The following STMN2 variants were observed in gnomAD, a reference collection of about 807,000 sequenced individuals.
STMN2 encodes stathmin-2.
A neutral mutation model predicts 24.1 loss-of-function variants in STMN2; 2 were observed. The observed-to-expected ratio is 0.08, with a 90% CI of 0.03 to 0.26. The LOEUF is 0.26. STMN2 is among the 10% of genes least tolerant of loss of function. The pLI is 1.00. For synonymous variants in STMN2, 83 were observed against 77.5 expected, an observed-to-expected ratio of 1.07 and a Z score of -0.37; for missense variants, 114 against 213.6, an observed-to-expected ratio of 0.53 and a Z score of 2.91.
chr8:79,651,724 A>G (rs922283638), intron 3 of STMN2, among the ~76,000 whole-genome samples: 13 of 152,242 alleles, frequency 8.5e-5, no homozygotes, highest in African/African-American at 2.9e-4. Flanking sequence ...TGGCCTCTTG[A>G]TAATAATTCA....
chr8:79,660,664 T>C (rs1806482510), intron 4 of STMN2, among the ~76,000 whole-genome samples: 1 of 152,114 alleles, frequency 6.6e-6, no homozygotes, highest in Non-Finnish European at 1.5e-5. Context: ...GTTTTGTAAA[T>C]GTCAATAGTC....
chr8:79,635,010 A>ACCAT (rs1199627390), intron 1 of STMN2, among the ~76,000 whole-genome samples: 1 of 152,176 alleles, frequency 6.6e-6, no homozygotes, highest in African/African-American at 2.4e-5. Flanking sequence ...ATCATTTTCT[A>ACCAT]CCATTTTCCT....
chr8:79,641,623 T>TTCACTC, intron 3 of STMN2, 73 bp downstream of exon 3: 24 of 520,934 alleles, frequency 4.6e-5, no homozygotes, highest in Admixed American at 7.7e-5. Flanking sequence ...CGGGCACACA[T>TTCACTC]GCACGCACAC....
rs552350558 is a variant in STMN2 at position 79,612,436 on chromosome 8, G to A, written c.19+1222G>A. On this transcript the variant is annotated intron_variant, in intron 1 of 4. Coordinates refer to ENST00000220876, the MANE Select transcript of STMN2 (RefSeq NM_007029.4). ...ATAATAATAGAGATGACATGAAATCGTATATAAAGCAAAAGAGGTCAAAGT... is the reference window on the plus strand; with the variant it reads ...ATAATAATAGAGATGACATGAAATCATATATAAAGCAAAAGAGGTCAAAGT... Among the ~76,000 whole-genome samples, 3 of 152,250 alleles carry A rather than the reference G, an allele frequency of 2.0e-5. No homozygotes were observed. In the South Asian group the frequency reaches 6.2e-4, roughly 32 times the overall value.
At chr8:79,629,702 T>C (rs1809753695) in intron 1 of STMN2, among the ~76,000 whole-genome samples, 1 of 152,208 alleles carries the variant, frequency 6.6e-6, no homozygotes, top group South Asian at 2.1e-4. Context: ...ATTATTTAGA[T>C]ATCATTCATT....
chr8:79,634,494 T>C (rs1809892635), intron 1 of STMN2, among the ~76,000 whole-genome samples: 1 of 152,242 alleles, frequency 6.6e-6, no homozygotes, highest in Non-Finnish European at 1.5e-5. Flanking sequence ...CCTCAGGATG[T>C]GTTAGGTTGA....
intron 1 of STMN2, among the ~76,000 whole-genome samples, chr8:79,618,563 AGCAGGCAG>A (rs1016940498): frequency 2.0e-5 from 3 of 152,310 alleles, no homozygotes; most frequent in Admixed American, 2.0e-4. Context: ...TTACCATCAA[AGCAGGCAG>A]GCAGGCAGGA....
At chr8:79,645,808 G>A (rs973831506) in intron 3 of STMN2, among the ~76,000 whole-genome samples, 3 of 151,942 alleles carry the variant, frequency 2.0e-5, no homozygotes, top group Non-Finnish European at 4.4e-5. Flanking sequence ...TCTCACTCTC[G>A]TTCATGGTAA....
intron 1 of STMN2, among the ~76,000 whole-genome samples, chr8:79,626,883 A>G (rs1809669509): frequency 6.6e-6 from 1 of 152,224 alleles, no homozygotes; most frequent in Non-Finnish European, 1.5e-5. Context: ...CTGTGAAACA[A>G]GCCTAGAAAA....
chr8:79,664,998 A>C lies in STMN2; in HGVS notation c.*124A>C, dbSNP rs1044127241. The C allele has an allele frequency of 6.9e-6, 6 of 874,534 alleles. No homozygotes were observed. Among genetic ancestry groups the C allele is most frequent in the Middle Eastern group, 2.5e-4 (1 of 3,958 alleles). 54.2% of individuals were successfully genotyped at this position (874,534 alleles called of 1,614,324 possible). ...TAAAAAGAACTCATTATAAAAAAAAAAAAACAAAAAAAATCAAAAATTAAA... is the reference window on the plus strand; with the variant it reads ...TAAAAAGAACTCATTATAAAAAAAACAAAACAAAAAAAATCAAAAATTAAA... On this transcript the variant is annotated 3_prime_UTR_variant, in exon 5 of 5. Coordinates refer to ENST00000220876, the MANE Select transcript of STMN2 (RefSeq NM_007029.4).
intron 1 of STMN2, among the ~76,000 whole-genome samples, chr8:79,636,086 G>A (rs1203525762): frequency 2.0e-5 from 3 of 151,954 alleles, no homozygotes; most frequent in Non-Finnish European, 2.9e-5. Context: ...GCATGGTGGA[G>A]CGCACCTGTA....
intron 1 of STMN2, among the ~76,000 whole-genome samples, chr8:79,636,067 A>G (rs1406842411): frequency 1.3e-5 from 2 of 152,050 alleles, no homozygotes; most frequent in Admixed American, 1.3e-4. Context: ...AAATACAAAA[A>G]TTATCCAGGC....
Position 79,665,038 on chromosome 8 carries a change from T to C in STMN2, c.*164T>C, listed in dbSNP as rs1212055924. The C allele has an allele frequency of 3.9e-6, 2 of 514,822 alleles. No individual in the cohort carries two copies. The highest frequency in any genetic ancestry group is 4.0e-5 in the African/African-American group (2 of 50,358). The allele number at this position is 514,822 out of a possible 1,614,324, so 31.9% of individuals were successfully genotyped here. On this transcript the variant is annotated 3_prime_UTR_variant, in exon 5 of 5. Transcript: ENST00000220876. The stretch of plus-strand genomic sequence containing the variant: ...CAAAAATTAAAAAAAATCAATGCGG[T>C]CTCTTTGCAGAATGTTTTGCTTGAT...
intron 3 of STMN2, among the ~76,000 whole-genome samples, chr8:79,649,618 G>A (rs958993800): frequency 1.3e-5 from 2 of 152,056 alleles, no homozygotes; most frequent in African/African-American, 4.8e-5. Flanking sequence ...TTTGGTACTA[G>A]GAGATTTAGT....
intron 4 of STMN2, among the ~76,000 whole-genome samples, chr8:79,661,853 A>G (rs1806509237): frequency 1.3e-5 from 2 of 152,086 alleles, no homozygotes; most frequent in South Asian, 2.1e-4. Flanking sequence ...GTGCTTTCTT[A>G]GCTCACACAA....
chr8:79,612,344 T>C (rs1288540469), intron 1 of STMN2, among the ~76,000 whole-genome samples: 1 of 152,204 alleles, frequency 6.6e-6, no homozygotes, highest in African/African-American at 2.4e-5. Flanking sequence ...TAGACACAGA[T>C]AAAGGGTTCT....
Position 79,624,055 on chromosome 8 carries a change from A to T in STMN2, c.20-12747A>T, listed in dbSNP as rs941140527. ...AACTAAGCAGCTTTGAAAGAATCAG[A>T]TTCCATTTGTTGAAATTTTTCTGAG... On this transcript the variant is annotated intron_variant, in intron 1 of 4. Coordinates refer to ENST00000220876, the MANE Select transcript of STMN2 (RefSeq NM_007029.4). 3.9e-5 allele frequency among the ~76,000 whole-genome samples: 6 copies of T among 152,222 alleles called. No homozygotes were observed. In the East Asian group the frequency reaches 7.7e-4, roughly 20 times the overall value.
At chr8:79,613,828 T>C in intron 1 of STMN2, 2 of 985,374 alleles carry the variant, frequency 2.0e-6, no homozygotes, top group South Asian at 9.4e-5. Context: ...GCCAGGATTA[T>C]GTATGTTCAT....
chr8:79,643,826 C>T (rs1810161991), intron 3 of STMN2, among the ~76,000 whole-genome samples: 1 of 151,516 alleles, frequency 6.6e-6, no homozygotes, highest in Non-Finnish European at 1.5e-5. Context: ...GTTATGATGC[C>T]CAGAAAAAAA....
Sources: gnomAD v4.1 joint callset for allele counts (sites outside exome capture counted in the v4.1 genomes callset) on GRCh38, gnomAD v4.1.1 for gene constraint, MANE v1.5 for transcripts, NCBI Gene and HGNC (gene_info 2026-07-23, HGNC 2026-07-21) for gene names.